MED16: variants seen among roughly 807,000 people sequenced by gnomAD.
MED16 encodes mediator of RNA polymerase II transcription subunit 16.
Under a neutral mutation model 84.4 loss-of-function variants are expected in MED16, and 81 were observed. The observed-to-expected ratio is 0.96, with a 90% confidence interval of 0.80 to 1.15. The LOEUF (loss-of-function observed/expected upper bound fraction) is 1.15, where lower values mean the gene tolerates loss of function less well. Among genes scored for constraint, MED16 ranks in the 50% most tolerant of loss-of-function variants. The pLI is 0.00. For synonymous variants in MED16, 897 were observed against 552.2 expected, an observed-to-expected ratio of 1.62 and a Z score of -8.76; for missense variants, 1,585 against 1,245.9, an observed-to-expected ratio of 1.27 and a Z score of -4.10.
Position 871,487 on chromosome 19 carries a change from T to C in MED16, c.2099-234A>G, listed in dbSNP as rs528292717. 50 of 1,477,770 alleles carry C rather than the reference T, an allele frequency of 3.4e-5. No homozygotes were observed. The African/African-American group carries it at 5.7e-4, about 17-fold the overall frequency. 91.5% of individuals were successfully genotyped at this position (1,477,770 alleles called of 1,614,324 possible). A position where few individuals can be genotyped will look rare whatever the true frequency, so the allele number is the denominator to read the frequency against. ...TCTGGCCTGTCATGAGACTCCCTCATTCACTTAAAAAGTATGTGGGAAGCA... is the reference window on the plus strand; with the variant it reads ...TCTGGCCTGTCATGAGACTCCCTCACTCACTTAAAAAGTATGTGGGAAGCA... On this transcript the variant is annotated intron_variant, in intron 12 of 15. Coordinates refer to ENST00000325464, the MANE Select transcript of MED16 (RefSeq NM_005481.3).
intron 8 of MED16, among the ~76,000 whole-genome samples, chr19:877,624 C>A (rs1024162975): frequency 6.2e-4 from 59 of 94,736 alleles, no homozygotes; most frequent in Non-Finnish European, 1.7e-4. Context: ...CCCGGGGGCG[C>A]CTCCCTCTGG....
chr19:870,338 A>G (rs1010240263), intron 13 of MED16, among the ~76,000 whole-genome samples: 1 of 152,160 alleles, frequency 6.6e-6, no homozygotes, highest in Admixed American at 6.6e-5. Flanking sequence ...AGGCAGGTGG[A>G]TCACCTGAGG....
At chr19:880,247 C>G in intron 7 of MED16, 99 bp from the exon 8 acceptor site, 1 of 1,164,802 alleles carries the variant, frequency 8.6e-7, no homozygotes, top group Non-Finnish European at 1.2e-6. Flanking sequence ...GCCGGGGCTG[C>G]CCATCCAGGG....
At chr19:887,747 C>T (rs963120941) in intron 4 of MED16, among the ~76,000 whole-genome samples, 2 of 152,146 alleles carry the variant, frequency 1.3e-5, no homozygotes, top group South Asian at 2.1e-4. Flanking sequence ...ACATCACGCT[C>T]AGTAAGAGAT....
intron 7 of MED16, among the ~76,000 whole-genome samples, chr19:880,937 A>G (rs1318845020): frequency 1.0e-4 from 15 of 145,108 alleles, no homozygotes; most frequent in African/African-American, 3.4e-4. Flanking sequence ...AAAAAAAAAG[A>G]AAAAAAAAAA....
At chr19:877,393 G>C (rs1243248163) in intron 8 of MED16, among the ~76,000 whole-genome samples, 1 of 152,134 alleles carries the variant, frequency 6.6e-6, no homozygotes, top group African/African-American at 2.4e-5. Flanking sequence ...AAACCTCCCT[G>C]AGCCCCGACT....
chr19:882,331 G>C (rs941518806), intron 6 of MED16, among the ~76,000 whole-genome samples: 2 of 152,132 alleles, frequency 1.3e-5, no homozygotes, highest in African/African-American at 2.4e-5. Context: ...AACACAGCAA[G>C]ACCCCATTCT....
rs1568333709 is a variant in MED16 at position 889,677 on chromosome 19, C to A, written c.408G>T (p.Trp136Cys). The A allele has an allele frequency of 6.2e-7, 1 of 1,613,842 alleles. No homozygotes were observed. Among genetic ancestry groups the A allele is most frequent in the Non-Finnish European group, 8.5e-7 (1 of 1,179,900 alleles). The change falls in exon 4 of 16, where the codon TGG becomes TGT. Residue 136 changes from tryptophan to cysteine, a missense_variant. Transcript: ENST00000325464. ...VEGDPIVALS[W>C]LHNGVKLALH... ...GGGCCAGTTTCACACCATTGTGCAG[C>A]CAGGACAGGGCCACAATGGGGTCCC...
intron 5 of MED16, 110 bp from the exon 6 acceptor site, chr19:885,118 T>C (rs73492577): frequency 0.18 from 138,431 of 775,216 alleles, 17,170 homozygotes; most frequent in East Asian, 0.6. Flanking sequence ...GGCCTGTCTC[T>C]TCAGCCACGC....
chr19:891,727 G>A (rs1158148492), intron 1 of MED16, among the ~76,000 whole-genome samples: 2 of 114,212 alleles, frequency 1.8e-5, no homozygotes, highest in Admixed American at 7.8e-5. Context: ...ACCTGTGGCC[G>A]AGGCGGGGCT....
At chr19:874,791 G>A (rs1168940486) in intron 10 of MED16, among the ~76,000 whole-genome samples, 1 of 150,310 alleles carries the variant, frequency 6.7e-6, no homozygotes, top group African/African-American at 2.5e-5. Context: ...GATTGCTTGA[G>A]CCCAGAAGGC....
intron 7 of MED16, 21 bp downstream of exon 7, chr19:881,538 C>A: frequency 1.3e-6 from 2 of 1,598,018 alleles, no homozygotes; most frequent in Middle Eastern, 2.0e-4. Flanking sequence ...CCCCGCGTGG[C>A]TGCCGCTGGC....
intron 9 of MED16, among the ~76,000 whole-genome samples, chr19:876,764 A>G (rs1031941178): frequency 2.0e-5 from 3 of 152,040 alleles, no homozygotes; most frequent in African/African-American, 7.2e-5. Flanking sequence ...ACTGCTGCAG[A>G]GACCTCCTCC....
intron 12 of MED16, among the ~76,000 whole-genome samples, 182 bp from the exon 13 acceptor site, chr19:871,435 G>A (rs563161716): frequency 1.6e-4 from 24 of 152,188 alleles, no homozygotes; most frequent in African/African-American, 3.1e-4. Context: ...CTGCCTGGCT[G>A]GGTGACCCCA....
In MED16 at chr19:891,069, C is replaced by T. The variant is rs766211411; in HGVS notation, c.63G>A (p.Trp21Ter). 1 of 1,614,114 alleles carries T rather than the reference C, an allele frequency of 6.2e-7. No individual in the cohort carries two copies. Among genetic ancestry groups the T allele is most frequent in the Non-Finnish European group, 8.5e-7 (1 of 1,180,018 alleles). ...AGTGGGTGCTCTTGGACCATTTCTC[C>T]CACTCACAGACGTAGGCCAAGTCCA... is the stretch of plus-strand genomic sequence containing the variant. ...GMMDLAYVCE[W>*]EKWSKSTHCP... The change falls in exon 2 of 16, where the codon TGG becomes TGA. Residue 21 changes from tryptophan to a stop codon, truncating the protein, a stop_gained. Transcript: ENST00000325464. LOFTEE classifies it high-confidence loss of function.
At chr19:878,159 G>C (rs111310751) in intron 8 of MED16, among the ~76,000 whole-genome samples, 19,713 of 72,084 alleles carry the variant, frequency 0.27, 1,084 homozygotes, top group Middle Eastern at 0.39. Context: ...TCACCTTCCC[G>C]TGGTTGTCAA....
intron 8 of MED16, among the ~76,000 whole-genome samples, chr19:878,262 G>A (rs2036312464): frequency 4.5e-5 from 2 of 44,036 alleles, no homozygotes; most frequent in African/African-American, 2.0e-4. Flanking sequence ...AGCCCCACGG[G>A]CCCCAGCAGC....
At chr19:881,516 T>C in intron 7 of MED16, 43 bp downstream of exon 7, 1 of 1,582,716 alleles carries the variant, frequency 6.3e-7, no homozygotes, top group Non-Finnish European at 8.6e-7. Flanking sequence ...ACTCCCCTGG[T>C]GTGAACTGAG....
chr19:876,238 C>A (rs907519355), intron 9 of MED16, among the ~76,000 whole-genome samples: 1 of 152,094 alleles, frequency 6.6e-6, no homozygotes, highest in Non-Finnish European at 1.5e-5. Context: ...CGGCTGAGCT[C>A]GTTAGATCTG....
Sources: allele counts gnomAD v4.1 joint callset (sites outside exome capture counted in the v4.1 genomes callset), GRCh38; gene constraint gnomAD v4.1.1; transcripts MANE v1.5; gene names NCBI Gene and HGNC (gene_info 2026-07-23, HGNC 2026-07-21).